Variants in TMEM163 observed in about 807,000 individuals in gnomAD.
The protein encoded by TMEM163 is transmembrane protein 163.
In TMEM163, 17 loss-of-function variants were observed where a neutral mutation model predicts 29.3. The observed-to-expected ratio is 0.58, with a 90% CI of 0.40 to 0.87. The LOEUF is 0.87. Among genes scored for constraint, TMEM163 ranks in the 40% least tolerant of loss-of-function variants. TMEM163 has a pLI of 0.00. For missense variants in TMEM163, 303 were observed against 381.5 expected (o/e 0.79, Z 1.71); for synonymous variants, 157 against 160.6 (o/e 0.98, Z 0.17).
chr2:134,561,195 TTTA>T (rs921369801), intron 2 of TMEM163, among the ~76,000 whole-genome samples: 3 of 152,118 alleles, frequency 2.0e-5, no homozygotes, highest in African/African-American at 4.8e-5. Flanking sequence ...GCAAAGTTCT[TTTA>T]TTATTATTAT....
intron 2 of TMEM163, among the ~76,000 whole-genome samples, chr2:134,667,969 T>C (rs534516726): frequency 2.6e-5 from 4 of 152,288 alleles, no homozygotes; most frequent in Admixed American, 2.6e-4. Context: ...GGTCAAGCAC[T>C]GGCCCAGCTG....
intron 4 of TMEM163, among the ~76,000 whole-genome samples, chr2:134,505,869 A>G (rs1180017942): frequency 6.6e-6 from 1 of 152,220 alleles, no homozygotes; most frequent in East Asian, 1.9e-4. Flanking sequence ...TCAAAATTAC[A>G]CTATAAATTC....
intron 2 of TMEM163, among the ~76,000 whole-genome samples, chr2:134,620,587 C>T (rs959030908): frequency 1.3e-5 from 2 of 151,992 alleles, no homozygotes; most frequent in African/African-American, 4.8e-5. Context: ...TATAAAACTA[C>T]AGGAATCAAA....
At chr2:134,615,888 A>G (rs1029664130) in intron 2 of TMEM163, among the ~76,000 whole-genome samples, 1 of 152,058 alleles carries the variant, frequency 6.6e-6, no homozygotes, top group African/African-American at 2.4e-5. Flanking sequence ...AACTCCTGAC[A>G]TCAGGTGATC....
intron 5 of TMEM163, among the ~76,000 whole-genome samples, chr2:134,479,192 T>C (rs1686988265): frequency 6.6e-6 from 1 of 152,194 alleles, no homozygotes; most frequent in African/African-American, 2.4e-5. Context: ...CATTCGGTGA[T>C]AGCAGCCTGA....
intron 4 of TMEM163, among the ~76,000 whole-genome samples, chr2:134,541,787 CACACACACACACACAT>C (rs1326943998): frequency 4.0e-5 from 6 of 151,548 alleles, no homozygotes; most frequent in African/African-American, 1.2e-4. Context: ...CACACACACA[CACACACACACACACAT>C]ACACACACAC....
intron 4 of TMEM163, among the ~76,000 whole-genome samples, chr2:134,510,932 T>C (rs1471679194): frequency 6.6e-6 from 1 of 152,166 alleles, no homozygotes; most frequent in Non-Finnish European, 1.5e-5. Context: ...AGATCTCTGC[T>C]TCCAATGTAC....
chr2:134,619,601 T>G (rs1682684116), intron 2 of TMEM163, among the ~76,000 whole-genome samples: 1 of 152,144 alleles, frequency 6.6e-6, no homozygotes, highest in African/African-American at 2.4e-5. Context: ...ATGAGAAACC[T>G]ACAGCTAAAT....
intron 2 of TMEM163, among the ~76,000 whole-genome samples, chr2:134,656,546 TC>T (rs1183760035): frequency 1.3e-5 from 2 of 152,298 alleles, no homozygotes; most frequent in East Asian, 3.9e-4. Flanking sequence ...CCGGAGCTGT[TC>T]CTATTCGGCC....
At chr2:134,574,387 C>T (rs948249219) in intron 2 of TMEM163, among the ~76,000 whole-genome samples, 7 of 152,094 alleles carry the variant, frequency 4.6e-5, no homozygotes, top group African/African-American at 1.7e-4. Flanking sequence ...TGGCAAAATC[C>T]CATCTCTACA....
At chr2:134,636,420 A>G (rs888984105) in intron 2 of TMEM163, among the ~76,000 whole-genome samples, 8 of 152,204 alleles carry the variant, frequency 5.3e-5, no homozygotes, top group Non-Finnish European at 8.8e-5. Flanking sequence ...TCTTTCGTTC[A>G]ATGTCATTTA....
chr2:134,542,869 T>C (rs1680705936), intron 4 of TMEM163, among the ~76,000 whole-genome samples: 1 of 152,196 alleles, frequency 6.6e-6, no homozygotes, highest in Admixed American at 6.5e-5. Flanking sequence ...TGGCATTCTT[T>C]GGCCTGTAGA....
chr2:134,667,374 T>C (rs1683892216), intron 2 of TMEM163, among the ~76,000 whole-genome samples: 1 of 152,226 alleles, frequency 6.6e-6, no homozygotes, highest in East Asian at 1.9e-4. Flanking sequence ...GGGATTCCCT[T>C]ACAGAGAGAG....
chr2:134,587,582 G>A (rs1008852325), intron 2 of TMEM163, among the ~76,000 whole-genome samples: 4 of 152,292 alleles, frequency 2.6e-5, no homozygotes, highest in South Asian at 4.2e-4. Context: ...ACCCAGACAC[G>A]TGGTTCAATC....
chr2:134,716,550 C>T (rs1220584502), intron 1 of TMEM163, among the ~76,000 whole-genome samples: 1 of 152,158 alleles, frequency 6.6e-6, no homozygotes, highest in Non-Finnish European at 1.5e-5. Context: ...AACCCCTCTA[C>T]AGACAGCCTA....
intron 2 of TMEM163, among the ~76,000 whole-genome samples, chr2:134,649,487 T>A (rs1380778900): frequency 1.3e-5 from 2 of 152,228 alleles, no homozygotes; most frequent in African/African-American, 4.8e-5. Flanking sequence ...AAGAGACATT[T>A]AAGAGCATAA....
chr2:134,619,929 G>T (rs553389869), intron 2 of TMEM163, among the ~76,000 whole-genome samples: 3 of 152,144 alleles, frequency 2.0e-5, no homozygotes, highest in South Asian at 4.1e-4. Flanking sequence ...ACAATCCCAT[G>T]CACTATGGCT....
chr2:134,502,856 C>G (rs1223701747), intron 5 of TMEM163, 45 bp downstream of exon 5: 1 of 1,576,514 alleles, frequency 6.3e-7, no homozygotes, highest in Non-Finnish European at 8.7e-7. Flanking sequence ...GCCCAGGGGG[C>G]CAGCGCTGGC....
chr2:134,581,507 C>T (rs908597851), intron 2 of TMEM163, among the ~76,000 whole-genome samples: 1 of 152,164 alleles, frequency 6.6e-6, no homozygotes, highest in East Asian at 1.9e-4. Flanking sequence ...CCACTTCCTT[C>T]CAAATGTAAA....
Sources: gnomAD v4.1 joint callset for allele counts (sites outside exome capture counted in the v4.1 genomes callset) on GRCh38, gnomAD v4.1.1 for gene constraint, MANE v1.5 for transcripts, NCBI Gene and HGNC (gene_info 2026-07-23, HGNC 2026-07-21) for gene names.